The following CHRM2 variants were observed in gnomAD, a reference collection of about 807,000 sequenced individuals.
CHRM2 encodes the protein cholinergic receptor muscarinic 2.
Under a neutral mutation model 25.0 loss-of-function variants are expected in CHRM2, and 8 were observed. The observed-to-expected ratio is 0.32, with a 90% CI of 0.19 to 0.58. The LOEUF (loss-of-function observed/expected upper bound fraction) is 0.58. Ranked by LOEUF, CHRM2 falls within the 20% of genes least tolerant of loss-of-function variation. The pLI is 0.88. For synonymous variants in CHRM2, 202 were observed against 205.7 expected, an observed-to-expected ratio of 0.98 and a Z score of 0.15; for missense variants, 440 against 567.1, an observed-to-expected ratio of 0.78 and a Z score of 2.28.
In CHRM2 at chr7:137,011,215, G is replaced by GTGTGTGTGTGTATA; in HGVS notation, c.-46-3604_-46-3603insGTGTGTGTGTATAT. ...TGTACGTGTGTGTGTGTGTGTGTGT[G>GTGTGTGTGTGTATA]TATATATATATATATATATGGATTT... On this transcript the variant is annotated intron_variant, in intron 3 of 3. Transcript: ENST00000680005. 2.7e-4 allele frequency among the ~76,000 whole-genome samples: 36 copies of GTGTGTGTGTGTATA among 134,286 alleles called. 1 individual carries two copies. Among genetic ancestry groups the GTGTGTGTGTGTATA allele is most frequent in the African/African-American group, 1.1e-3 (34 of 31,144 alleles). 88.1% of individuals were successfully genotyped at this position (134,286 alleles called of 152,430 possible). A position where few individuals can be genotyped will look rare whatever the true frequency, so the allele number is the denominator to read the frequency against.
intron 2 of CHRM2, among the ~76,000 whole-genome samples, chr7:136,914,584 A>G (rs565780403): frequency 2.6e-5 from 4 of 152,062 alleles, no homozygotes; most frequent in Admixed American, 2.0e-4. Context: ...AAAATAAGGC[A>G]GTATTATATC....
At position 137,006,624 on chromosome 7, in the gene CHRM2, T is replaced by G. The variant is rs1253660217; in HGVS notation, c.-46-8196T>G. On this transcript the variant is annotated intron_variant, in intron 3 of 3. Transcript: ENST00000680005. ...GGATCAGTTTGCTTTATCAGCTACT[T>G]TCATTCTGTTCTATAATTTTCTTTT... Among the ~76,000 whole-genome samples, 2 of 152,118 alleles carry G rather than the reference T, an allele frequency of 1.3e-5. 1 individual carries two copies. Among genetic ancestry groups the G allele is most frequent in the Middle Eastern group, 6.3e-3 (2 of 316 alleles).
intron 3 of CHRM2, among the ~76,000 whole-genome samples, chr7:137,004,997 T>C (rs1804325212): frequency 6.6e-6 from 1 of 152,120 alleles, no homozygotes; most frequent in Non-Finnish European, 1.5e-5. Flanking sequence ...TACTATTTTA[T>C]TTTTACAGCT....
chr7:136,887,734 G>C (rs183590951), intron 2 of CHRM2, among the ~76,000 whole-genome samples: 156 of 152,246 alleles, frequency 1.0e-3, no homozygotes, highest in African/African-American at 3.3e-3. Context: ...TCTCAGAAAA[G>C]GAGATAAAGA....
At chr7:136,969,097 T>C (rs1360940624) in intron 2 of CHRM2, among the ~76,000 whole-genome samples, 3 of 152,112 alleles carry the variant, frequency 2.0e-5, no homozygotes, top group Non-Finnish European at 4.4e-5. Flanking sequence ...GAAGCAAGGA[T>C]AGTCATCTTC....
chr7:136,974,598 G>A (rs1339501395), intron 2 of CHRM2, among the ~76,000 whole-genome samples: 1 of 152,064 alleles, frequency 6.6e-6, no homozygotes. Context: ...TACAATAGCT[G>A]CAGCTAGTTC....
intron 3 of CHRM2, among the ~76,000 whole-genome samples, chr7:136,996,802 G>A (rs150388704): frequency 2.7e-3 from 408 of 152,234 alleles, no homozygotes; most frequent in African/African-American, 9.2e-3. Flanking sequence ...ATTTGAAAAC[G>A]TTATTACCCA....
At chr7:136,920,518 CA>C (rs1461382646) in intron 2 of CHRM2, among the ~76,000 whole-genome samples, 2 of 152,116 alleles carry the variant, frequency 1.3e-5, no homozygotes, top group African/African-American at 4.8e-5. Context: ...ATTGAAACTG[CA>C]GCTTAGAACA....
chr7:137,008,015 T>A (rs35798729), intron 3 of CHRM2, among the ~76,000 whole-genome samples: 3 of 152,110 alleles, frequency 2.0e-5, no homozygotes, highest in Non-Finnish European at 4.4e-5. Flanking sequence ...TAACTGAATA[T>A]TAAAAGACCT....
chr7:136,891,815 A>G (rs74355109), intron 2 of CHRM2, among the ~76,000 whole-genome samples: 3,374 of 152,250 alleles, frequency 0.022, 123 homozygotes, highest in African/African-American at 0.077. Flanking sequence ...TAGCCAGCAT[A>G]TTATTATTGT....
intron 2 of CHRM2, among the ~76,000 whole-genome samples, chr7:136,889,776 T>G (rs1796617316): frequency 6.6e-6 from 1 of 152,232 alleles, no homozygotes; most frequent in Admixed American, 6.5e-5. Flanking sequence ...CTCTATTCAT[T>G]TGGTTTGTTT....
chr7:136,912,803 A>G (rs1293519033), intron 2 of CHRM2, among the ~76,000 whole-genome samples: 1 of 151,974 alleles, frequency 6.6e-6, no homozygotes, highest in Non-Finnish European at 1.5e-5. Flanking sequence ...ATTTGATTTT[A>G]AATAAACAAA....
At chr7:136,903,001 A>G in intron 2 of CHRM2, 2 of 436,106 alleles carry the variant, frequency 4.6e-6, no homozygotes, top group South Asian at 3.5e-5. Flanking sequence ...GGAGTCTGGA[A>G]AGTATACATT....
intron 2 of CHRM2, chr7:136,871,320 G>C (rs1034671833): frequency 1.3e-5 from 2 of 152,446 alleles, no homozygotes; most frequent in South Asian, 4.1e-4. Context: ...GCTGCAGGCC[G>C]CCCGCGTCTC....
At chr7:136,913,296 C>A (rs570375290) in intron 2 of CHRM2, among the ~76,000 whole-genome samples, 324 of 151,938 alleles carry the variant, frequency 2.1e-3, no homozygotes, top group Non-Finnish European at 3.3e-3. Flanking sequence ...ATGGATTAGC[C>A]TATCTATTAT....
chr7:136,976,433 A>G (rs1228092675), intron 2 of CHRM2, among the ~76,000 whole-genome samples: 1 of 152,154 alleles, frequency 6.6e-6, no homozygotes, highest in Non-Finnish European at 1.5e-5. Context: ...ACAATACTCT[A>G]TGATGTATGT....
intron 2 of CHRM2, among the ~76,000 whole-genome samples, chr7:136,985,516 A>C (rs934345697): frequency 6.6e-6 from 1 of 151,518 alleles, no homozygotes; most frequent in Non-Finnish European, 1.5e-5. Flanking sequence ...AAAAAAAAAA[A>C]AAAAAAAAAA....
chr7:136,987,189 T>C (rs1220576172), intron 2 of CHRM2, among the ~76,000 whole-genome samples: 2 of 152,224 alleles, frequency 1.3e-5, no homozygotes, highest in Non-Finnish European at 1.5e-5. Context: ...CACAGGTCCC[T>C]TTCCTCTGTG....
At chr7:136,885,047 A>C (rs1339525750) in intron 2 of CHRM2, among the ~76,000 whole-genome samples, 3 of 152,248 alleles carry the variant, frequency 2.0e-5, no homozygotes, top group Non-Finnish European at 4.4e-5. Flanking sequence ...ATCAGAAGAC[A>C]GATGAAACTT....
Sources: gnomAD v4.1 joint callset for allele counts (sites outside exome capture counted in the v4.1 genomes callset) on GRCh38, gnomAD v4.1.1 for gene constraint, MANE v1.5 for transcripts, NCBI Gene and HGNC (gene_info 2026-07-23, HGNC 2026-07-21) for gene names.